Variants in FAM90A10 observed in about 807,000 individuals in gnomAD.
FAM90A10 encodes the protein family with sequence similarity 90 member A10, also known as protein FAM90A10.
the FAM90A10 span, chr8:7,769,489 G>T: frequency 2.7e-6 from 1 of 371,364 alleles, no homozygotes; most frequent in Non-Finnish European, 4.5e-6. Context: ...CCCCTCTTTG[G>T]AATCCTTATT....
At chr8:7,769,150 G>A in the FAM90A10 span, 1 of 127,770 alleles carries the variant, frequency 7.8e-6, no homozygotes, top group Non-Finnish European at 1.3e-5. Flanking sequence ...TGGGGACGGG[G>A]GGAGGCGGTG....
At chr8:7,771,430 C>A in the FAM90A10 span, 5 of 441,490 alleles carry the variant, frequency 1.1e-5, 1 homozygote, top group Non-Finnish European at 1.9e-5. Context: ...ACAGCTTGGG[C>A]CTAGGCTCCA....
At chr8:7,770,344 C>T in the FAM90A10 span, 1 of 135,460 alleles carries the variant, frequency 7.4e-6, no homozygotes, top group South Asian at 5.2e-5. Flanking sequence ...TCCACGGAAT[C>T]TTCTGAGCAT....
chr8:7,769,748 CG>C, the FAM90A10 span: 2 of 501,884 alleles, frequency 4.0e-6, no homozygotes, highest in Admixed American at 3.7e-5. Flanking sequence ...GAAGCCAACC[CG>C]GGGCCCTTGA....
the FAM90A10 span, among the ~76,000 whole-genome samples, chr8:7,769,409 G>A: frequency 4.5e-5 from 5 of 111,534 alleles, 1 homozygote; most frequent in African/African-American, 6.6e-5. Context: ...GAGTTCCTCC[G>A]TCACAAGGGC....
At chr8:7,769,506 T>C in the FAM90A10 span, 1 of 360,078 alleles carries the variant, frequency 2.8e-6, no homozygotes. Context: ...TATTCAGCTC[T>C]GAATTCACAA....
chr8:7,769,515 A>T, the FAM90A10 span: 1 of 353,386 alleles, frequency 2.8e-6, no homozygotes, highest in Non-Finnish European at 4.8e-6. Flanking sequence ...CTGAATTCAC[A>T]ATCCGTCCCA....
chr8:7,769,424 C>G, the FAM90A10 span, among the ~76,000 whole-genome samples: 2 of 111,440 alleles, frequency 1.8e-5, no homozygotes, highest in Admixed American at 1.0e-4. Context: ...AAGGGCTTTG[C>G]GAGGGAACAT....
chr8:7,769,407 C>T, the FAM90A10 span, among the ~76,000 whole-genome samples: 1 of 111,642 alleles, frequency 9.0e-6, no homozygotes, highest in Non-Finnish European at 1.9e-5. Context: ...CAGAGTTCCT[C>T]CGTCACAAGG....
the FAM90A10 span, chr8:7,769,738 G>T: frequency 1.9e-6 from 1 of 514,740 alleles, no homozygotes; most frequent in Non-Finnish European, 3.2e-6. Context: ...GCCCCGGGGT[G>T]AAGCCAACCC....
At chr8:7,770,452 G>A in the FAM90A10 span, 5 of 154,818 alleles carry the variant, frequency 3.2e-5, 1 homozygote, top group African/African-American at 4.1e-4. Flanking sequence ...GGAAATCGGG[G>A]AACCCCTCTT....
At chr8:7,769,333 G>C in the FAM90A10 span, among the ~76,000 whole-genome samples, 3 of 95,428 alleles carry the variant, frequency 3.1e-5, no homozygotes, top group African/African-American at 1.1e-4. Flanking sequence ...GTGTAGCCAC[G>C]TTTGGCTGCG....
the FAM90A10 span, chr8:7,770,468 C>G: frequency 1.6e-3 from 272 of 169,304 alleles, 75 homozygotes; most frequent in Admixed American, 6.5e-3. Flanking sequence ...CTCTTTCTTG[C>G]CTTCTTGGGG....
At chr8:7,769,435 C>T in the FAM90A10 span, among the ~76,000 whole-genome samples, 4 of 110,918 alleles carry the variant, frequency 3.6e-5, no homozygotes, top group African/African-American at 6.6e-5. Flanking sequence ...GAGGGAACAT[C>T]GTATCCGAAC....
Sources: gnomAD v4.1 joint callset for allele counts (sites outside exome capture counted in the v4.1 genomes callset) on GRCh38, gnomAD v4.1.1 for gene constraint, MANE v1.5 for transcripts, NCBI Gene and HGNC (gene_info 2026-07-23, HGNC 2026-07-21) for gene names.